Variants in NIPSNAP2 observed in about 807,000 individuals in gnomAD.
NIPSNAP2 encodes the protein protein NipSnap homolog 2.
In NIPSNAP2, 42 loss-of-function variants were observed where a neutral mutation model predicts 48.4. The ratio of observed to expected loss-of-function variants is 0.87; its 90% CI spans 0.68 to 1.12. NIPSNAP2 has a LOEUF of 1.12. NIPSNAP2 is among the 50% of genes most tolerant of loss of function. The pLI, the probability that NIPSNAP2 is intolerant of heterozygous loss-of-function variation, is 0.00. For synonymous variants in NIPSNAP2, 158 were observed against 126.6 expected (o/e 1.25, Z -1.67); for missense variants, 314 against 347.3 (o/e 0.90, Z 0.76).
At chr7:55,980,139 C>T (rs13232756) in intron 3 of NIPSNAP2, 10,435 of 213,442 alleles carry the variant, frequency 0.049, 488 homozygotes, top group East Asian at 0.23. Flanking sequence ...CCCTCTTTCC[C>T]TGTCCTCGAT....
chr7:55,984,119 GACCT>G (rs933135780), intron 6 of NIPSNAP2, among the ~76,000 whole-genome samples: 25 of 144,998 alleles, frequency 1.7e-4, no homozygotes, highest in African/African-American at 5.6e-4. Context: ...TAAGAAGAAA[GACCT>G]AAAGTGCAGG....
At chr7:55,970,574 A>G (rs1183972316) in intron 1 of NIPSNAP2, among the ~76,000 whole-genome samples, 4 of 152,046 alleles carry the variant, frequency 2.6e-5, no homozygotes, top group Non-Finnish European at 5.9e-5. Flanking sequence ...GGCCTCTCAA[A>G]GTGCTGGGAT....
intron 1 of NIPSNAP2, among the ~76,000 whole-genome samples, chr7:55,968,410 G>C (rs1192766597): frequency 6.8e-6 from 1 of 148,098 alleles, no homozygotes; most frequent in Non-Finnish European, 1.5e-5. Context: ...TCCTGAGACA[G>C]AGTCTCGCTC....
intron 6 of NIPSNAP2, 111 bp downstream of exon 6, chr7:55,983,979 T>TATGTATA (rs2116355839): frequency 1.7e-6 from 1 of 579,504 alleles, no homozygotes; most frequent in Admixed American, 3.4e-5. Flanking sequence ...ATGTCTAGCA[T>TATGTATA]TATATGTATA....
intron 9 of NIPSNAP2, 122 bp from the exon 10 acceptor site, chr7:55,998,865 TTGAGGTTAGTCCTGTATATTA>T: frequency 1.4e-6 from 1 of 717,748 alleles, no homozygotes; most frequent in Non-Finnish European, 2.5e-6. Context: ...ATTTCTGCCC[TTGAGGTTAGTCCTGTATATTA>T]TGATATTCTC....
intron 7 of NIPSNAP2, 122 bp downstream of exon 7, chr7:55,985,000 T>C (rs1787297817): frequency 2.9e-6 from 2 of 687,530 alleles, no homozygotes; most frequent in South Asian, 3.9e-5. Context: ...CACTAATGTT[T>C]CGTTTGATGT....
In NIPSNAP2 at chr7:55,981,861, A is replaced by C. The variant is rs73343724; in HGVS notation, c.373+294A>C. The C allele has an allele frequency of 3.4e-3, 1,244 of 367,136 alleles. 15 individuals carry two copies. The highest frequency in any genetic ancestry group is 0.023 in the African/African-American group (1,111 of 48,368). The allele number at this position is 367,136 out of a possible 1,614,324, so 22.7% of individuals were successfully genotyped here. A position where few individuals can be genotyped will look rare whatever the true frequency, so the allele number is the denominator to read the frequency against. ...TGCTCTGTTGCCCAGGCTGGAGTGC[A>C]GTGATGAGTATCTAGGCTCACTGCG... On this transcript the variant is annotated intron_variant, in intron 4 of 9. Transcript: ENST00000322090.
At chr7:55,984,909 A>G in intron 7 of NIPSNAP2, 31 bp downstream of exon 7, 1 of 1,573,094 alleles carries the variant, frequency 6.4e-7, no homozygotes, top group Admixed American at 1.7e-5. Context: ...TGATTTTTTA[A>G]GTCTTGTGAA....
chr7:55,987,634 C>T (rs13239795), intron 7 of NIPSNAP2, among the ~76,000 whole-genome samples: 6,875 of 152,038 alleles, frequency 0.045, 296 homozygotes, highest in East Asian at 0.22. Flanking sequence ...CCCCCGCCTC[C>T]AAAAAAGAAG....
intron 1 of NIPSNAP2, among the ~76,000 whole-genome samples, chr7:55,976,560 T>A (rs1787111131): frequency 6.6e-6 from 1 of 152,166 alleles, no homozygotes; most frequent in South Asian, 2.1e-4. Context: ...TCCTATTAGC[T>A]GGCATATGGG....
intron 1 of NIPSNAP2, among the ~76,000 whole-genome samples, chr7:55,973,823 C>T (rs1010127581): frequency 6.6e-6 from 1 of 152,046 alleles, no homozygotes; most frequent in Admixed American, 6.6e-5. Flanking sequence ...ATTCAAAAAT[C>T]TTTATATCTG....
chr7:55,979,020 C>G (rs905375286), intron 3 of NIPSNAP2: 4 of 152,206 alleles, frequency 2.6e-5, no homozygotes, highest in African/African-American at 9.6e-5. Context: ...CCATGGTGAG[C>G]AAATGTGAAG....
chr7:55,993,737 C>G (rs571191840), intron 7 of NIPSNAP2, among the ~76,000 whole-genome samples: 64 of 151,694 alleles, frequency 4.2e-4, no homozygotes, highest in African/African-American at 1.5e-3. Context: ...AAGACTGTTT[C>G]AAAAAAAATT....
At chr7:55,966,747 G>A (rs770886921) in intron 1 of NIPSNAP2, among the ~76,000 whole-genome samples, 7 of 152,102 alleles carry the variant, frequency 4.6e-5, no homozygotes, top group South Asian at 2.1e-4. Flanking sequence ...ATGCCACTGC[G>A]TTCCAGCCTA....
intron 1 of NIPSNAP2, among the ~76,000 whole-genome samples, chr7:55,977,346 G>A (rs1303262189): frequency 6.6e-6 from 1 of 152,116 alleles, no homozygotes; most frequent in Non-Finnish European, 1.5e-5. Flanking sequence ...AGCCCAGATC[G>A]TGCCACTGCA....
chr7:55,978,639 G>C (rs1270477610), intron 3 of NIPSNAP2: 6 of 480,002 alleles, frequency 1.2e-5, no homozygotes, highest in African/African-American at 2.0e-5. Context: ...TCTTGTGTTT[G>C]GAGGAACTTT....
chr7:55,997,106 ACAT>A (rs1787577204), intron 8 of NIPSNAP2, among the ~76,000 whole-genome samples: 2 of 151,680 alleles, frequency 1.3e-5, no homozygotes, highest in African/African-American at 2.4e-5. Flanking sequence ...CCGTGGTGAA[ACAT>A]CATCGTGCCA....
rs762274502 is a variant in NIPSNAP2, at chr7:55,978,409, A to T, written c.278+14A>T. On this transcript the variant is annotated intron_variant, in intron 3 of 9. Transcript: ENST00000322090. ...CAACAAAATTTGGTGTGTATACCAA[A>T]CTATCCTTTACTTGGGGAAAAATAA... 2.8e-5 allele frequency: 45 copies of T among 1,595,392 alleles called. No individual in the cohort carries two copies. The South Asian group carries it at 2.9e-4, about 10-fold the overall frequency.
chr7:55,994,125 C>T (rs192107529), intron 7 of NIPSNAP2, among the ~76,000 whole-genome samples: 11 of 152,234 alleles, frequency 7.2e-5, no homozygotes, highest in African/African-American at 1.4e-4. Context: ...TGTGTTTTAA[C>T]GCCCTGCCCC....
Sources: gnomAD v4.1 joint callset for allele counts (sites outside exome capture counted in the v4.1 genomes callset) on GRCh38, gnomAD v4.1.1 for gene constraint, MANE v1.5 for transcripts, NCBI Gene and HGNC (gene_info 2026-07-23, HGNC 2026-07-21) for gene names.